Variants in SCN7A observed in about 807,000 individuals in gnomAD.
The protein encoded by SCN7A is sodium voltage-gated channel alpha subunit 7.
In SCN7A, 138 loss-of-function variants were observed where a neutral mutation model predicts 155.2. The observed-to-expected ratio is 0.89, with a 90% CI of 0.77 to 1.02. The LOEUF (loss-of-function observed/expected upper bound fraction) is 1.02. Among genes scored for constraint, SCN7A ranks in the 50% least tolerant of loss-of-function variants. The pLI is 0.00. For synonymous variants in SCN7A, 693 were observed against 649.0 expected (o/e 1.07, Z -1.03); for missense variants, 2,058 against 1,986.6 (o/e 1.04, Z -0.68).
intron 12 of SCN7A, 70 bp from the exon 13 acceptor site, chr2:166,445,070 C>T (rs183672974): frequency 2.2e-6 from 2 of 906,006 alleles, no homozygotes; most frequent in Admixed American, 2.2e-5. Flanking sequence ...AATCCCAGCA[C>T]TTTGGGAAGC....
intron 21 of SCN7A, chr2:166,414,863 A>AATATATATTATATAGGATAATATATAAT (rs1553513953): frequency 8.0e-6 from 1 of 125,158 alleles, no homozygotes; most frequent in African/African-American, 3.1e-5. Flanking sequence ...TATAATATAT[A>AATATATATTATATAGGATAATATATAAT]ATATATATTA....
At chr2:166,434,716 A>C (rs1013515790) in intron 15 of SCN7A, among the ~76,000 whole-genome samples, 2 of 152,166 alleles carry the variant, frequency 1.3e-5, no homozygotes, top group Non-Finnish European at 2.9e-5. Context: ...ACCAGATATA[A>C]TTTAAGATAG....
chr2:166,414,000 T>TATATATATATATATATATATAA lies in SCN7A; in HGVS notation c.3415-880_3415-879insTTATATATATATATATATATAT, dbSNP rs1292737289. Among the ~76,000 whole-genome samples, 39 of 100,152 alleles carry TATATATATATATATATATATAA rather than the reference T, an allele frequency of 3.9e-4. 2 individuals are homozygous for TATATATATATATATATATATAA. Among genetic ancestry groups the TATATATATATATATATATATAA allele is most frequent in the African/African-American group, 1.5e-3 (37 of 25,156 alleles). 65.7% of individuals were successfully genotyped at this position (100,152 alleles called of 152,430 possible). On this transcript the variant is annotated intron_variant, in intron 21 of 25. Coordinates refer to ENST00000643258, the MANE Select transcript of SCN7A (RefSeq NM_002976.4). ...GTATGTGTATATATATATATATATA[T>TATATATATATATATATATATAA]ATAAATATACTATATATATGTAAAT...
At chr2:166,485,380 G>A (rs1038420922) in intron 2 of SCN7A, among the ~76,000 whole-genome samples, 1 of 152,112 alleles carries the variant, frequency 6.6e-6, no homozygotes, top group African/African-American at 2.4e-5. Context: ...CAGAATGAGA[G>A]TCAACAGAGT....
intron 10 of SCN7A, 38 bp from the exon 11 acceptor site, chr2:166,457,114 GTTAT>G: frequency 7.2e-7 from 1 of 1,396,694 alleles, no homozygotes; most frequent in Non-Finnish European, 9.8e-7. Flanking sequence ...AGAGTAAAAT[GTTAT>G]TTATCTTCCA....
intron 19 of SCN7A, 77 bp downstream of exon 19, chr2:166,423,182 C>T (rs760654684): frequency 1.4e-6 from 2 of 1,397,636 alleles, no homozygotes; most frequent in Non-Finnish European, 9.8e-7. Flanking sequence ...ATATAACAAA[C>T]TGACAGGAAG....
intron 15 of SCN7A, among the ~76,000 whole-genome samples, chr2:166,437,177 C>T (rs1559102951): frequency 6.6e-6 from 1 of 152,192 alleles, no homozygotes; most frequent in Non-Finnish European, 1.5e-5. Flanking sequence ...CCCAGGGTCC[C>T]CCTGCTGTGT....
intron 16 of SCN7A, among the ~76,000 whole-genome samples, chr2:166,431,989 GT>G (rs1400454057): frequency 1.3e-5 from 2 of 151,930 alleles, no homozygotes; most frequent in African/African-American, 4.8e-5. Context: ...AAACTGCCTG[GT>G]TATTAATTTA....
chr2:166,450,971 G>A (rs1182557457), intron 11 of SCN7A, among the ~76,000 whole-genome samples: 5 of 152,038 alleles, frequency 3.3e-5, no homozygotes, highest in Admixed American at 6.6e-5. Context: ...AAGATCCGAC[G>A]GGGATTTCTT....
intron 12 of SCN7A, among the ~76,000 whole-genome samples, chr2:166,445,723 T>C (rs751092596): frequency 2.0e-5 from 3 of 152,062 alleles, no homozygotes; most frequent in African/African-American, 7.2e-5. Flanking sequence ...GACTTGATCA[T>C]GGTGGATAAG....
intron 19 of SCN7A, 141 bp downstream of exon 19, chr2:166,423,118 C>T: frequency 1.3e-6 from 1 of 768,716 alleles, no homozygotes; most frequent in Non-Finnish European, 2.0e-6. Flanking sequence ...TTAAATATTA[C>T]AAACTAAGAA....
chr2:166,488,608 A>T (rs1186333204), intron 1 of SCN7A, among the ~76,000 whole-genome samples: 1 of 151,186 alleles, frequency 6.6e-6, no homozygotes, highest in Non-Finnish European at 1.5e-5. Flanking sequence ...GCAGTTTTTT[A>T]AAAAAGCTAC....
chr2:166,475,082 ATATATATATACACATATATATG>A (rs1702753412), intron 3 of SCN7A, among the ~76,000 whole-genome samples: 2 of 129,366 alleles, frequency 1.5e-5, no homozygotes, highest in African/African-American at 6.0e-5. Flanking sequence ...ATATTTGTGT[ATATATATATACACATATATATG>A]TATATATATA....
intron 1 of SCN7A, among the ~76,000 whole-genome samples, chr2:166,490,580 T>C (rs1683074283): frequency 6.6e-6 from 1 of 152,206 alleles, no homozygotes; most frequent in Non-Finnish European, 1.5e-5. Flanking sequence ...ATATACACAA[T>C]GGAACGCTAT....
rs139589165 is a variant in SCN7A at position 166,432,433 on chromosome 2, A to T, written c.2477T>A (p.Leu826His). The change falls in exon 16 of 26, where the codon CTT (leucine) becomes CAT (histidine). Residue 826 changes from leucine to histidine, a missense_variant. Transcript: ENST00000643258. ...KNATENESQS[L>H]IPSPSVSETV... ...TTCTGAGACACTAGGACTGGGGATA[A>T]GTGATTGGCTCTCATTTTCAGTAGC... 1.3e-4 allele frequency: 205 copies of T among 1,613,618 alleles called. No individual in the cohort carries two copies. In the African/African-American group the frequency reaches 2.3e-3, roughly 18 times the overall value.
intron 9 of SCN7A, among the ~76,000 whole-genome samples, chr2:166,463,266 G>A (rs1476913561): frequency 5.9e-5 from 9 of 152,002 alleles, no homozygotes; most frequent in Admixed American, 5.9e-4. Context: ...TGGGAGTTTC[G>A]GTCTTGTGTT....
intron 3 of SCN7A, among the ~76,000 whole-genome samples, chr2:166,475,251 C>T (rs900431744): frequency 8.1e-5 from 12 of 147,730 alleles, no homozygotes; most frequent in African/African-American, 2.5e-4. Flanking sequence ...AGCTTACAGT[C>T]TAAAAGAGTG....
chr2:166,427,839 A>T lies in SCN7A; in HGVS notation c.2802T>A (p.Asn934Lys). Residue 934 changes from asparagine to lysine, a missense_variant, in exon 18 of 26, where the codon AAT becomes AAA. Coordinates refer to ENST00000643258, the MANE Select transcript of SCN7A (RefSeq NM_002976.4). Reference sequence around the variant, plus strand: ...CAAGCCCAATAAAACACTTAAACCAATTGTTCTCTACAATCTTGCAGCAGG... The same window carrying T: ...CAAGCCCAATAAAACACTTAAACCATTTGTTCTCTACAATCTTGCAGCAGG... ...RKTCCKIVEN[N>K]WFKCFIGLVT... 6.2e-7 allele frequency: 1 copy of T among 1,612,144 alleles called. No individual in the cohort carries two copies. Among genetic ancestry groups the T allele is most frequent in the Non-Finnish European group, 8.5e-7 (1 of 1,179,014 alleles).
intron 1 of SCN7A, among the ~76,000 whole-genome samples, chr2:166,487,691 T>C (rs921360756): frequency 6.6e-6 from 1 of 152,222 alleles, no homozygotes; most frequent in Non-Finnish European, 1.5e-5. Flanking sequence ...AATGTTCTAT[T>C]CTATATTAAA....
Sources: gnomAD v4.1 joint callset for allele counts (sites outside exome capture counted in the v4.1 genomes callset) on GRCh38, gnomAD v4.1.1 for gene constraint, MANE v1.5 for transcripts, NCBI Gene and HGNC (gene_info 2026-07-23, HGNC 2026-07-21) for gene names.